DGAT2: variants seen among roughly 807,000 people sequenced by gnomAD.
DGAT2 encodes the protein diacylglycerol O-acyltransferase 2.
A neutral mutation model predicts 48.4 loss-of-function variants in DGAT2; 33 were observed. That is an observed-to-expected ratio of 0.68 (90% CI 0.52 to 0.91). DGAT2 has a LOEUF of 0.91. DGAT2 is among the 40% of genes least tolerant of loss of function. The pLI is 0.00. For synonymous variants in DGAT2, 191 were observed against 194.1 expected, an observed-to-expected ratio of 0.98 and a Z score of 0.13; for missense variants, 446 against 493.7, an observed-to-expected ratio of 0.90 and a Z score of 0.92.
chr11:75,768,957 C>T lies in DGAT2; in HGVS notation c.-35C>T, dbSNP rs771769500. 4 of 1,453,108 alleles carry T rather than the reference C, an allele frequency of 2.8e-6. No individual in the cohort carries two copies. Among genetic ancestry groups the T allele is most frequent in the Non-Finnish European group, 3.6e-6 (4 of 1,104,922 alleles). The allele number at this position is 1,453,108 out of a possible 1,614,324, so 90.0% of individuals were successfully genotyped here. A position where few individuals can be genotyped will look rare whatever the true frequency, so the allele number is the denominator to read the frequency against. On this transcript the variant is annotated 5_prime_UTR_variant, in exon 1 of 8. Transcript: ENST00000228027. Reference sequence around the variant, plus strand: ...GGGCCAGGGGCGCGGGGTGAAGCGGCTTCCCGCGGGGCCGTGACTGGGCGG... The same window carrying T: ...GGGCCAGGGGCGCGGGGTGAAGCGGTTTCCCGCGGGGCCGTGACTGGGCGG...
chr11:75,784,490 C>G, intron 1 of DGAT2, 128 bp from the exon 2 acceptor site: 1 of 1,309,028 alleles, frequency 7.6e-7, no homozygotes, highest in Non-Finnish European at 1.0e-6. Context: ...GAACCCAGGT[C>G]TGTCTGATTC....
intron 4 of DGAT2, 103 bp from the exon 5 acceptor site, chr11:75,796,225 G>A: frequency 1.0e-6 from 1 of 966,382 alleles, no homozygotes; most frequent in Non-Finnish European, 1.6e-6. Flanking sequence ...CAGGCCCATG[G>A]AGGTCCAGGG....
intron 4 of DGAT2, chr11:75,793,134 G>T (rs924630664): frequency 6.6e-6 from 1 of 152,270 alleles, no homozygotes; most frequent in Non-Finnish European, 1.5e-5. Flanking sequence ...GCCGGGCCTG[G>T]GCATCGTGTT....
At chr11:75,798,202 A>G (rs1945076163) in intron 6 of DGAT2, 25 bp from the exon 7 acceptor site, 1 of 1,612,216 alleles carries the variant, frequency 6.2e-7, no homozygotes, top group Admixed American at 1.7e-5. Context: ...GTAGGGTATG[A>G]CAGACCCTGG....
At chr11:75,787,388 A>C (rs1056636039) in intron 2 of DGAT2, among the ~76,000 whole-genome samples, 2 of 152,254 alleles carry the variant, frequency 1.3e-5, no homozygotes, top group African/African-American at 4.8e-5. Context: ...CTCAGAGTCC[A>C]TGCTCTTCAC....
chr11:75,784,352 C>A (rs950152523), intron 1 of DGAT2: 2 of 336,748 alleles, frequency 5.9e-6, no homozygotes, highest in African/African-American at 2.1e-5. Flanking sequence ...TCTTTAGATA[C>A]TTCATGTGGT....
intron 7 of DGAT2, among the ~76,000 whole-genome samples, chr11:75,798,709 A>G (rs201793212): frequency 1.3e-5 from 2 of 152,178 alleles, no homozygotes; most frequent in Non-Finnish European, 2.9e-5. Context: ...AGGGAAGACT[A>G]TTGCAGCAAA....
At chr11:75,790,535 T>A in intron 3 of DGAT2, 126 bp from the exon 4 acceptor site, 1 of 933,378 alleles carries the variant, frequency 1.1e-6, no homozygotes, top group South Asian at 1.3e-5. Context: ...GAAAGGGGCC[T>A]GATGGGAAGG....
In DGAT2 at chr11:75,800,484, G is replaced by A. The variant is rs1214852892; in HGVS notation, c.1143G>A (p.Glu381=). 1.2e-6 allele frequency: 2 copies of A among 1,614,140 alleles called. No individual in the cohort carries two copies. The highest frequency in any genetic ancestry group is 8.5e-7 in the Non-Finnish European group (1 of 1,180,006). ...ACAAGACCAAGTTCGGCCTCCCGGA[G>A]ACTGAGGTCCTGGAGGTGAACTGAG... ...DKHKTKFGLP[E]TEVLEVN The change falls in exon 8 of 8, where the codon GAG becomes GAA. Residue 381 remains glutamate, a synonymous_variant. Transcript: ENST00000228027.
At chr11:75,785,341 A>G (rs1845402260) in intron 2 of DGAT2, among the ~76,000 whole-genome samples, 1 of 152,198 alleles carries the variant, frequency 6.6e-6, no homozygotes, top group Non-Finnish European at 1.5e-5. Flanking sequence ...CCCCCATTAC[A>G]TGGGAATCAT....
chr11:75,778,283 C>T (rs137874831), intron 1 of DGAT2, among the ~76,000 whole-genome samples: 106 of 152,344 alleles, frequency 7.0e-4, no homozygotes, highest in East Asian at 2.9e-3. Flanking sequence ...AACCACAGTG[C>T]GCACTTTCCT....
chr11:75,780,307 C>A (rs933763964), intron 1 of DGAT2, among the ~76,000 whole-genome samples: 1 of 152,188 alleles, frequency 6.6e-6, no homozygotes, highest in Non-Finnish European at 1.5e-5. Context: ...CAAGGACTGG[C>A]AGTGTTTTGG....
At chr11:75,797,486 C>T (rs1364764896) in intron 6 of DGAT2, among the ~76,000 whole-genome samples, 154 bp downstream of exon 6, 1 of 152,162 alleles carries the variant, frequency 6.6e-6, no homozygotes, top group African/African-American at 2.4e-5. Context: ...GCCCAGACTG[C>T]ACAGTGTGGG....
At chr11:75,781,883 A>G (rs1390620610) in intron 1 of DGAT2, among the ~76,000 whole-genome samples, 1 of 152,176 alleles carries the variant, frequency 6.6e-6, no homozygotes, top group East Asian at 1.9e-4. Context: ...CCTAATTTTA[A>G]GACACCTAAT....
At chr11:75,797,059 C>T in intron 5 of DGAT2, 99 bp from the exon 6 acceptor site, 7 of 1,255,062 alleles carry the variant, frequency 5.6e-6, no homozygotes, top group Non-Finnish European at 7.4e-6. Flanking sequence ...GTCTGGGGCC[C>T]AGGTCCAGGG....
At chr11:75,794,413 A>G (rs1945025424) in intron 4 of DGAT2, 1 of 152,232 alleles carries the variant, frequency 6.6e-6, no homozygotes, top group African/African-American at 2.4e-5. Flanking sequence ...TGGGAGTGTC[A>G]TTGATGTCAC....
chr11:75,796,242 A>T, intron 4 of DGAT2, 86 bp from the exon 5 acceptor site: 1 of 1,171,388 alleles, frequency 8.5e-7, no homozygotes, highest in Non-Finnish European at 1.2e-6. Context: ...AGGGGAAATG[A>T]CACATCCAAT....
chr11:75,801,124 CA>C lies in DGAT2; in HGVS notation c.*617del, dbSNP rs1007986079. 2.0e-5 allele frequency: 3 copies of C among 153,836 alleles called. No individual in the cohort carries two copies. The highest frequency in any genetic ancestry group is 7.2e-5 in the African/African-American group (3 of 41,442). The allele number at this position is 153,836 out of a possible 1,614,324, so 9.5% of individuals were successfully genotyped here. A position where few individuals can be genotyped will look rare whatever the true frequency, so the allele number is the denominator to read the frequency against. On this transcript the variant is annotated 3_prime_UTR_variant, in exon 8 of 8. Coordinates refer to ENST00000228027, the MANE Select transcript of DGAT2 (RefSeq NM_032564.5). The stretch of plus-strand genomic sequence containing the variant: ...GGATGGGGGTGGCAATGACACCCTG[CA>C]GGGGAAAGGACTGCCCCCCATGCAC...
At chr11:75,787,596 A>T (rs78834697) in intron 2 of DGAT2, among the ~76,000 whole-genome samples, 4,883 of 152,342 alleles carry the variant, frequency 0.032, 254 homozygotes, top group African/African-American at 0.11. Context: ...TCATGAGCTC[A>T]GCAACAGTGG....
Sources: gnomAD v4.1 joint callset for allele counts (sites outside exome capture counted in the v4.1 genomes callset) on GRCh38, gnomAD v4.1.1 for gene constraint, MANE v1.5 for transcripts, NCBI Gene and HGNC (gene_info 2026-07-23, HGNC 2026-07-21) for gene names.